The following GMDS variants were observed in gnomAD, a reference collection of about 807,000 sequenced individuals.
The protein encoded by GMDS is GDP-mannose 4,6 dehydratase.
In GMDS, 20 loss-of-function variants were observed where a neutral mutation model predicts 49.9. The observed-to-expected ratio is 0.40, with a 90% CI of 0.28 to 0.58. The LOEUF (loss-of-function observed/expected upper bound fraction) is 0.58, where lower values mean the gene tolerates loss of function less well. GMDS is among the 20% of genes least tolerant of loss of function. The pLI, the probability that GMDS is intolerant of heterozygous loss-of-function variation, is 0.42. For synonymous variants in GMDS, 177 were observed against 178.6 expected, an observed-to-expected ratio of 0.99 and a Z score of 0.07; for missense variants, 362 against 481.4, an observed-to-expected ratio of 0.75 and a Z score of 2.32.
At position 1,892,821 on chromosome 6, in the gene GMDS, T is replaced by A. The variant is rs946443096; in HGVS notation, c.771+37282A>T. 2.0e-5 allele frequency among the ~76,000 whole-genome samples: 3 copies of A among 152,246 alleles called. No homozygotes were observed. In the South Asian group the frequency reaches 6.2e-4, roughly 32 times the overall value. ...CTGTGTCAATGGAACAGCCAATGCC[T>A]TGGCCTACTGTGACTGGACACGCAT... On this transcript the variant is annotated intron_variant, in intron 7 of 10. Transcript: ENST00000380815.
At chr6:1,905,112 G>A (rs930867736) in intron 7 of GMDS, among the ~76,000 whole-genome samples, 1 of 152,232 alleles carries the variant, frequency 6.6e-6, no homozygotes, top group Non-Finnish European at 1.5e-5. Flanking sequence ...CATGTGCTCT[G>A]TGCAAGCTAC....
At chr6:1,759,293 G>A (rs1333531686) in intron 7 of GMDS, among the ~76,000 whole-genome samples, 1 of 152,168 alleles carries the variant, frequency 6.6e-6, no homozygotes, top group Non-Finnish European at 1.5e-5. Flanking sequence ...GGCCTTAGAG[G>A]TGTTGTCATT....
chr6:1,969,645 T>C (rs1764487474), intron 4 of GMDS, among the ~76,000 whole-genome samples: 1 of 152,196 alleles, frequency 6.6e-6, no homozygotes, highest in Non-Finnish European at 1.5e-5. Flanking sequence ...CCAGTTTGAC[T>C]TCCTCCCATC....
chr6:1,759,994 C>T (rs1768098618), intron 7 of GMDS, among the ~76,000 whole-genome samples: 2 of 152,184 alleles, frequency 1.3e-5, no homozygotes, highest in African/African-American at 4.8e-5. Context: ...GTAAGAGACC[C>T]AGAGGCAGAA....
intron 7 of GMDS, among the ~76,000 whole-genome samples, chr6:1,794,443 A>G (rs1018679443): frequency 6.6e-6 from 1 of 152,220 alleles, no homozygotes; most frequent in African/African-American, 2.4e-5. Context: ...ACGGCATTAT[A>G]TAGAAAGCTG....
chr6:2,162,096 T>C (rs181784219), intron 1 of GMDS, among the ~76,000 whole-genome samples: 94 of 152,342 alleles, frequency 6.2e-4, no homozygotes, highest in African/African-American at 2.2e-3. Flanking sequence ...ATAAGGTCAC[T>C]GCATTCATAG....
chr6:2,067,947 G>A (rs958783781), intron 4 of GMDS, among the ~76,000 whole-genome samples: 2 of 151,356 alleles, frequency 1.3e-5, no homozygotes, highest in Non-Finnish European at 2.9e-5. Flanking sequence ...CCAAAGCCGG[G>A]CAGAGACACA....
chr6:2,147,895 C>G (rs760262631), intron 1 of GMDS, among the ~76,000 whole-genome samples: 2 of 150,266 alleles, frequency 1.3e-5, no homozygotes, highest in Non-Finnish European at 3.0e-5. Context: ...GCATTTTATG[C>G]ATAATGACAC....
intron 4 of GMDS, among the ~76,000 whole-genome samples, chr6:2,068,686 A>T (rs1219543608): frequency 6.6e-6 from 1 of 152,192 alleles, no homozygotes; most frequent in Non-Finnish European, 1.5e-5. Flanking sequence ...AGAGAATAAA[A>T]TACCTAGGAA....
intron 7 of GMDS, among the ~76,000 whole-genome samples, chr6:1,910,715 T>A (rs950561115): frequency 1.3e-5 from 2 of 152,146 alleles, no homozygotes; most frequent in Non-Finnish European, 2.9e-5. Context: ...AACCTCACCA[T>A]GAAAAGCCTC....
At position 1,959,961 on chromosome 6, in the gene GMDS, T is replaced by G; in HGVS notation, c.549A>C (p.Lys183Asn). 6.3e-7 allele frequency: 1 copy of G among 1,592,940 alleles called. No homozygotes were observed. ...TCACCACAATCCAATAGGCATAGAG[T>G]TTTGCTGCCCCTGTTGGAATAATTT... ...FYPRSPYGAA[K>N]LYAYWIVVNF... Residue 183 changes from lysine to asparagine, a missense_variant, in exon 6 of 11, where the codon AAA (lysine) becomes AAC (asparagine). Lys to Asn is a moderately conservative substitution (Grantham distance 94). Transcript: ENST00000380815.
chr6:2,014,080 C>G (rs1281600991), intron 4 of GMDS, among the ~76,000 whole-genome samples: 3 of 149,072 alleles, frequency 2.0e-5, no homozygotes, highest in Non-Finnish European at 3.0e-5. Context: ...GAAAAACACC[C>G]AACAAACTAA....
chr6:2,162,709 CAA>C (rs1256379041), intron 1 of GMDS, among the ~76,000 whole-genome samples: 1 of 132,812 alleles, frequency 7.5e-6, no homozygotes, highest in Admixed American at 7.7e-5. Context: ...CACACACACA[CAA>C]AACTTTCCTG....
chr6:1,954,950 C>T (rs182930505), intron 6 of GMDS, among the ~76,000 whole-genome samples: 4 of 151,976 alleles, frequency 2.6e-5, no homozygotes, highest in Admixed American at 1.3e-4. Flanking sequence ...GTTCATGGTG[C>T]CTGAAAACAA....
At chr6:2,106,852 G>A (rs1348899903) in intron 4 of GMDS, among the ~76,000 whole-genome samples, 4 of 144,882 alleles carry the variant, frequency 2.8e-5, no homozygotes, top group African/African-American at 1.1e-4. Context: ...GACAGAGCGA[G>A]ACTCTGTCTC....
intron 1 of GMDS, among the ~76,000 whole-genome samples, chr6:2,232,482 A>T (rs1216101959): frequency 6.6e-6 from 1 of 152,180 alleles, no homozygotes; most frequent in Non-Finnish European, 1.5e-5. Flanking sequence ...GGTGTGATCT[A>T]CCACTCACAT....
chr6:2,153,845 T>G (rs748965199), intron 1 of GMDS, among the ~76,000 whole-genome samples: 19 of 152,134 alleles, frequency 1.2e-4, no homozygotes, highest in Non-Finnish European at 2.6e-4. Context: ...AACAAGAATG[T>G]CTATTCCAGC....
At chr6:2,144,561 A>G (rs1776459252) in intron 1 of GMDS, among the ~76,000 whole-genome samples, 1 of 152,142 alleles carries the variant, frequency 6.6e-6, no homozygotes, top group African/African-American at 2.4e-5. Flanking sequence ...GCAAGGGAAT[A>G]CTGCTTCCTG....
chr6:1,952,189 T>C (rs1454838248), intron 6 of GMDS: 1 of 164,080 alleles, frequency 6.1e-6, no homozygotes, highest in Non-Finnish European at 1.3e-5. Context: ...TGAGGGTATT[T>C]TGGGAGAATA....
Sources: gnomAD v4.1 joint callset for allele counts (sites outside exome capture counted in the v4.1 genomes callset) on GRCh38, gnomAD v4.1.1 for gene constraint, MANE v1.5 for transcripts, NCBI Gene and HGNC (gene_info 2026-07-23, HGNC 2026-07-21) for gene names.